Variants in FSTL5 observed in about 807,000 individuals in gnomAD.
FSTL5 encodes the protein follistatin-related protein 5.
In FSTL5, 62 loss-of-function variants were observed where a neutral mutation model predicts 89.1. The ratio of observed to expected loss-of-function variants is 0.70; its 90% CI spans 0.57 to 0.86. The LOEUF is 0.86. Among genes scored for constraint, FSTL5 ranks in the 40% least tolerant of loss-of-function variants. FSTL5 has a pLI of 0.00. For synonymous variants in FSTL5, 383 were observed against 346.2 expected, an observed-to-expected ratio of 1.11 and a Z score of -1.18; for missense variants, 1,057 against 1,001.6, an observed-to-expected ratio of 1.06 and a Z score of -0.75.
intron 6 of FSTL5, among the ~76,000 whole-genome samples, chr4:161,707,367 T>A (rs534028556): frequency 4.3e-4 from 65 of 152,046 alleles, no homozygotes; most frequent in African/African-American, 1.5e-3. Context: ...ATTTTGTTAT[T>A]TATAAAATGT....
intron 2 of FSTL5, among the ~76,000 whole-genome samples, chr4:162,077,133 T>C (rs1729881697): frequency 6.6e-6 from 1 of 151,772 alleles, no homozygotes; most frequent in Non-Finnish European, 1.5e-5. Context: ...GGCTAAGAAG[T>C]CCAATATCAA....
chr4:162,030,851 A>G (rs1737493667), intron 3 of FSTL5, among the ~76,000 whole-genome samples: 1 of 152,206 alleles, frequency 6.6e-6, no homozygotes, highest in Non-Finnish European at 1.5e-5. Context: ...ATAAGTGAAT[A>G]AAGAAATCAT....
At chr4:161,777,878 G>T (rs1311355343) in intron 4 of FSTL5, among the ~76,000 whole-genome samples, 1 of 152,130 alleles carries the variant, frequency 6.6e-6, no homozygotes, top group Non-Finnish European at 1.5e-5. Flanking sequence ...GGAATCACCT[G>T]AGGTCAGGAG....
At chr4:161,870,309 TC>T (rs928290175) in intron 4 of FSTL5, among the ~76,000 whole-genome samples, 1 of 151,984 alleles carries the variant, frequency 6.6e-6, no homozygotes, top group South Asian at 2.1e-4. Flanking sequence ...TTTCCTTTTT[TC>T]ATCACAAAGA....
intron 2 of FSTL5, among the ~76,000 whole-genome samples, chr4:162,041,154 G>C (rs1309894215): frequency 6.8e-6 from 1 of 147,246 alleles, no homozygotes; most frequent in Non-Finnish European, 1.5e-5. Flanking sequence ...CTGAAGGTGA[G>C]CTGTGAGAAG....
intron 7 of FSTL5, among the ~76,000 whole-genome samples, chr4:161,619,003 TG>T (rs1311695161): frequency 2.6e-5 from 4 of 152,086 alleles, no homozygotes; most frequent in Admixed American, 2.6e-4. Flanking sequence ...TATAGATCAA[TG>T]GAACAGAACA....
chr4:161,747,169 G>T (rs1579064323), intron 6 of FSTL5, among the ~76,000 whole-genome samples: 1 of 152,294 alleles, frequency 6.6e-6, no homozygotes, highest in East Asian at 1.9e-4. Context: ...CATAACAAAT[G>T]TTGATTGTTG....
chr4:161,499,001 T>A (rs181099121), intron 12 of FSTL5, among the ~76,000 whole-genome samples: 1 of 151,846 alleles, frequency 6.6e-6, no homozygotes, highest in Non-Finnish European at 1.5e-5. Flanking sequence ...GAGTTCGAGA[T>A]CAGCCTGGCC....
intron 7 of FSTL5, among the ~76,000 whole-genome samples, chr4:161,653,601 C>T (rs1040699797): frequency 1.3e-5 from 2 of 151,878 alleles, no homozygotes; most frequent in Non-Finnish European, 2.9e-5. Flanking sequence ...TTAGACAGTG[C>T]TGAAAAATGA....
chr4:161,896,397 C>T (rs975487297), intron 4 of FSTL5, among the ~76,000 whole-genome samples: 1 of 152,064 alleles, frequency 6.6e-6, no homozygotes, highest in Non-Finnish European at 1.5e-5. Flanking sequence ...CCTTAATTTA[C>T]CTACATCAAT....
At chr4:161,481,486 T>C (rs1169282575) in intron 12 of FSTL5, among the ~76,000 whole-genome samples, 1 of 152,140 alleles carries the variant, frequency 6.6e-6, no homozygotes, top group Non-Finnish European at 1.5e-5. Context: ...TCCTCAAATT[T>C]TCTCAGTCTC....
At chr4:161,896,672 T>G (rs964037892) in intron 4 of FSTL5, among the ~76,000 whole-genome samples, 7 of 152,200 alleles carry the variant, frequency 4.6e-5, no homozygotes, top group African/African-American at 1.7e-4. Flanking sequence ...TGTGAAGAAC[T>G]ATTATATTTT....
intron 12 of FSTL5, chr4:161,495,178 T>C (rs1042945530): frequency 6.6e-6 from 1 of 152,094 alleles, no homozygotes; most frequent in African/African-American, 2.4e-5. Context: ...TTAGGACCCA[T>C]TAAATAATAA....
rs912072721 is a variant in FSTL5 at position 162,090,639 on chromosome 4, C to T, written c.126+20632G>A. On this transcript the variant is annotated intron_variant, in intron 2 of 15. Coordinates refer to ENST00000306100, the MANE Select transcript of FSTL5 (RefSeq NM_020116.5). The stretch of plus-strand genomic sequence containing the variant: ...AGTTCGAGACTAGCCTGGCCAACAG[C>T]GTGAAATCCCATCTCTGCTAAAAAT... Among the ~76,000 whole-genome samples, 15 of 151,840 alleles carry T rather than the reference C, an allele frequency of 9.9e-5. No homozygotes were observed. The South Asian group carries it at 1.3e-3, about 13-fold the overall frequency.
chr4:161,707,974 T>A (rs190932167), intron 6 of FSTL5, among the ~76,000 whole-genome samples: 63 of 151,740 alleles, frequency 4.2e-4, no homozygotes, highest in African/African-American at 1.5e-3. Flanking sequence ...AGGCATTGCT[T>A]ATCAGTTATA....
Position 161,551,695 on chromosome 4 carries a change from G to A in FSTL5, c.1016-9002C>T, listed in dbSNP as rs533966509. Among the ~76,000 whole-genome samples the A allele has an allele frequency of 6.6e-3, 978 of 147,540 alleles. 7 individuals carry two copies. The highest frequency in any genetic ancestry group is 0.023 in the African/African-American group (885 of 37,678). ...GAAATAATGCCGCATATCTACAACC[G>A]TCTGATCTTTGACAAACCTGAGAAA... On this transcript the variant is annotated intron_variant, in intron 8 of 15. Coordinates refer to ENST00000306100, the MANE Select transcript of FSTL5 (RefSeq NM_020116.5).
At chr4:161,496,290 A>C (rs2126477872) in intron 12 of FSTL5, among the ~76,000 whole-genome samples, 1 of 152,264 alleles carries the variant, frequency 6.6e-6, no homozygotes, top group Non-Finnish European at 1.5e-5. Flanking sequence ...AGTGATAGGA[A>C]GATGTGATGG....
At chr4:161,893,494 A>G (rs1435917882) in intron 4 of FSTL5, among the ~76,000 whole-genome samples, 1 of 152,124 alleles carries the variant, frequency 6.6e-6, no homozygotes, top group Non-Finnish European at 1.5e-5. Flanking sequence ...AAGCCATCAC[A>G]TTATCCTTAA....
intron 2 of FSTL5, among the ~76,000 whole-genome samples, chr4:162,049,263 T>A (rs1738304075): frequency 2.0e-5 from 3 of 152,190 alleles, no homozygotes; most frequent in African/African-American, 7.2e-5. Context: ...AACATCTAAC[T>A]CTAAAGGCTT....
Sources: gnomAD v4.1 joint callset for allele counts (sites outside exome capture counted in the v4.1 genomes callset) on GRCh38, gnomAD v4.1.1 for gene constraint, MANE v1.5 for transcripts, NCBI Gene and HGNC (gene_info 2026-07-23, HGNC 2026-07-21) for gene names.